The following ANK2 variants were observed in gnomAD, a reference collection of about 807,000 sequenced individuals.
The protein encoded by ANK2 is ankyrin 2, also known as ankyrin-2.
Under a neutral mutation model 360.5 loss-of-function variants are expected in ANK2, and 83 were observed. The ratio of observed to expected loss-of-function variants is 0.23; its 90% CI spans 0.19 to 0.28. The LOEUF is 0.28. Among genes scored for constraint, ANK2 ranks in the 10% least tolerant of loss-of-function variants. ANK2 has a pLI of 1.00. For missense variants in ANK2, 4,201 were observed against 4,795.7 expected, an observed-to-expected ratio of 0.88 and a Z score of 3.66; for synonymous variants, 1,740 against 1,759.5, an observed-to-expected ratio of 0.99 and a Z score of 0.28.
intron 1 of ANK2, among the ~76,000 whole-genome samples, chr4:113,087,745 C>G (rs1439407339): frequency 2.0e-5 from 3 of 152,044 alleles, no homozygotes; most frequent in African/African-American, 7.2e-5. Context: ...CTTACAGATA[C>G]TGACTTACCA....
chr4:112,715,682 C>T, the ANK2 span, among the ~76,000 whole-genome samples: 1 of 152,188 alleles, frequency 6.6e-6, no homozygotes, highest in Non-Finnish European at 1.5e-5. Context: ...GGGCTCTGTG[C>T]TTTGAGTTTG....
chr4:112,827,791 CCAAATCAATTTACAG>C (rs1459621580), intron 1 of ANK2, among the ~76,000 whole-genome samples: 1 of 152,094 alleles, frequency 6.6e-6, no homozygotes, highest in East Asian at 1.9e-4. Flanking sequence ...GCCATACTGC[CCAAATCAATTTACAG>C]ATTCAACACT....
intron 10 of ANK2, among the ~76,000 whole-genome samples, chr4:113,253,592 G>A (rs1170143056): frequency 1.3e-5 from 2 of 151,770 alleles, no homozygotes; most frequent in Non-Finnish European, 2.9e-5. Flanking sequence ...AGTTTCTCAG[G>A]CCAAATACCC....
At chr4:113,313,543 A>G (rs1479659843) in intron 24 of ANK2, 1 of 152,618 alleles carries the variant, frequency 6.6e-6, no homozygotes, top group Non-Finnish European at 1.5e-5. Flanking sequence ...CACCATTTCC[A>G]AAATAGAGTG....
At chr4:113,300,554 C>G (rs2074411409) in intron 22 of ANK2, among the ~76,000 whole-genome samples, 1 of 152,166 alleles carries the variant, frequency 6.6e-6, no homozygotes, top group Admixed American at 6.5e-5. Flanking sequence ...GTGTATGACA[C>G]AGCACACACG....
At chr4:112,823,083 G>A (rs1010303631) in intron 1 of ANK2, among the ~76,000 whole-genome samples, 2 of 152,152 alleles carry the variant, frequency 1.3e-5, no homozygotes, top group African/African-American at 4.8e-5. Context: ...AAATGTCATA[G>A]ATAATTCACC....
At position 113,253,916 on chromosome 4, in the gene ANK2, A is replaced by G. The variant is rs182635022; in HGVS notation, c.991-1819A>G. ...CCTGCAAGGTCTCTCACCTCTTTGA[A>G]TTCCTCCCCTTATCCATCCTCCTCA... On this transcript the variant is annotated intron_variant, in intron 10 of 45. Coordinates refer to ENST00000357077, the MANE Select transcript of ANK2 (RefSeq NM_001148.6). 2.6e-5 allele frequency among the ~76,000 whole-genome samples: 4 copies of G among 152,244 alleles called. No homozygotes were observed. The East Asian group carries it at 7.7e-4, about 29-fold the overall frequency.
chr4:112,719,316 C>G, the ANK2 span, among the ~76,000 whole-genome samples: 2 of 151,924 alleles, frequency 1.3e-5, no homozygotes, highest in Non-Finnish European at 2.9e-5. Flanking sequence ...CATGTTGGGG[C>G]CTGGAAGTAA....
intron 2 of ANK2, among the ~76,000 whole-genome samples, chr4:112,947,429 G>T (rs1256652021): frequency 6.6e-6 from 1 of 152,142 alleles, no homozygotes; most frequent in Non-Finnish European, 1.5e-5. Flanking sequence ...GACCAAAGCT[G>T]CAGAGAGAAG....
At chr4:113,017,877 C>T (rs2057057571) in intron 2 of ANK2, among the ~76,000 whole-genome samples, 1 of 152,110 alleles carries the variant, frequency 6.6e-6, no homozygotes, top group Admixed American at 6.5e-5. Flanking sequence ...TCAAATAACC[C>T]ATCACATCAT....
chr4:113,137,964 C>T (rs761740756), intron 1 of ANK2, among the ~76,000 whole-genome samples: 2 of 152,122 alleles, frequency 1.3e-5, no homozygotes, highest in African/African-American at 2.4e-5. Context: ...GACTGTATTT[C>T]TGGAGTTTTT....
At chr4:112,814,182 T>A (rs1262981484), upstream of ANK2, among the ~76,000 whole-genome samples, 1 of 152,250 alleles carries the variant, frequency 6.6e-6, no homozygotes, top group East Asian at 1.9e-4. Flanking sequence ...ACTATTACTT[T>A]GAAATAAGAT....
chr4:112,994,246 T>C (rs994847186), intron 2 of ANK2, among the ~76,000 whole-genome samples: 6 of 152,232 alleles, frequency 3.9e-5, no homozygotes, highest in African/African-American at 1.4e-4. Flanking sequence ...ACTGATTTTC[T>C]TGTCATTGTT....
Position 112,827,262 on chromosome 4 carries a change from A to T in ANK2, c.-40+8998A>T, listed in dbSNP as rs1308071217. 11 of 1,054,672 alleles carry T rather than the reference A, an allele frequency of 1.0e-5. No individual in the cohort carries two copies. The Admixed American group carries it at 1.2e-4, about 11-fold the overall frequency. The allele number at this position is 1,054,672 out of a possible 1,614,324, so 65.3% of individuals were successfully genotyped here. ...AGGATTTAGAAGAAAGAGAAATGTTACTTAAGGCAGCCAAGAGTCATTGTA... is the reference window on the plus strand; with the variant it reads ...AGGATTTAGAAGAAAGAGAAATGTTTCTTAAGGCAGCCAAGAGTCATTGTA... On this transcript the variant is annotated intron_variant, in intron 1 of 30. Coordinates refer to the ANK2 transcript ENST00000503271.
intron 4 of ANK2, among the ~76,000 whole-genome samples, chr4:113,230,508 C>T (rs1030357562): frequency 5.3e-5 from 8 of 150,904 alleles, no homozygotes; most frequent in Non-Finnish European, 1.0e-4. Context: ...GAGCGAGACT[C>T]CATCTCAAAA....
At chr4:112,958,062 C>T (rs895903739) in intron 2 of ANK2, among the ~76,000 whole-genome samples, 20 of 151,802 alleles carry the variant, frequency 1.3e-4, no homozygotes, top group African/African-American at 4.6e-4. Flanking sequence ...GCGCTCCTCA[C>T]TTCCTAGATG....
chr4:113,298,088 C>A (rs1168722551), intron 22 of ANK2, among the ~76,000 whole-genome samples: 1 of 152,084 alleles, frequency 6.6e-6, no homozygotes, highest in African/African-American at 2.4e-5. Flanking sequence ...AAAAGACATA[C>A]TTAGTGCAGA....
chr4:113,216,734 C>G (rs17529794), intron 4 of ANK2, among the ~76,000 whole-genome samples: 5,674 of 152,226 alleles, frequency 0.037, 128 homozygotes, highest in East Asian at 0.067. Flanking sequence ...GCTCTGAACA[C>G]AAGTATAACG....
intron 45 of ANK2, among the ~76,000 whole-genome samples, chr4:113,375,650 G>A (rs533009899): frequency 7.2e-5 from 11 of 151,968 alleles, no homozygotes; most frequent in African/African-American, 2.4e-4. Flanking sequence ...GTGTGAACCT[G>A]GGAGGCGGAG....
Sources: gnomAD v4.1 joint callset for allele counts (sites outside exome capture counted in the v4.1 genomes callset) on GRCh38, gnomAD v4.1.1 for gene constraint, MANE v1.5 for transcripts, NCBI Gene and HGNC (gene_info 2026-07-23, HGNC 2026-07-21) for gene names.